Variants in MYO15A observed in about 807,000 individuals in gnomAD.
MYO15A encodes myosin XVA, also known as unconventional myosin-XV.
A neutral mutation model predicts 394.6 loss-of-function variants in MYO15A; 308 were observed. The observed-to-expected ratio is 0.78, with a 90% CI of 0.71 to 0.86. The LOEUF is 0.86. Ranked by LOEUF, MYO15A falls within the 40% of genes least tolerant of loss-of-function variation. The pLI is 0.00. For synonymous variants in MYO15A, 1,957 were observed against 2,003.8 expected, an observed-to-expected ratio of 0.98 and a Z score of 0.62; for missense variants, 4,606 against 4,799.1, an observed-to-expected ratio of 0.96 and a Z score of 1.19.
chr17:18,167,103 T>C (rs931366202), intron 61 of MYO15A, among the ~76,000 whole-genome samples: 3 of 152,250 alleles, frequency 2.0e-5, no homozygotes, highest in South Asian at 2.1e-4. Context: ...GTGGTGTCAC[T>C]GTTGAAGCAT....
rs1176956790 is a variant in MYO15A, at chr17:18,133,310, G to A, written c.4406G>A (p.Ser1469Asn). 6.2e-7 allele frequency: 1 copy of A among 1,614,198 alleles called. No individual in the cohort carries two copies. The highest frequency in any genetic ancestry group is 8.5e-7 in the Non-Finnish European group (1 of 1,180,024). Reference protein sequence around the residue: ...LAAMEVLGFSSEDQDSIFRIL... With the variant: ...LAAMEVLGFSNEDQDSIFRIL... ...GCCATGGAGGTGTTGGGCTTCAGCA[G>A]TGAGGACCAGGACAGCATCTTCCGC... The change falls in exon 12 of 66, where the codon AGT (serine) becomes AAT (asparagine). Residue 1469 changes from serine to asparagine, a missense_variant. Physicochemically the swap from Ser to Asn is conservative, Grantham distance 46. Around this residue, in one of 2 missense-constraint regions of MYO15A, gnomAD observed 2,776 missense variants for 3,109.3 expected, o/e 0.89. Coordinates refer to ENST00000647165, the MANE Select transcript of MYO15A (RefSeq NM_016239.4).
Position 18,148,869 on chromosome 17 carries a change from G to A in MYO15A, c.6873G>A (p.Glu2291=). The change falls in exon 33 of 66, where the codon GAG becomes GAA. Residue 2291 remains glutamate (E), a synonymous_variant. Transcript: ENST00000647165. The surrounding 1 kb of genome is among the most constrained non-coding windows in gnomAD (Gnocchi z 4.8). ...TGTTAGACCTGGTGTCGGACCTGGA[G>A]CTGCTCAGGGACTTCCCTCGACAGA... is the stretch of plus-strand genomic sequence containing the variant. ...DYVLDLVSDL[E]LLRDFPRQKS... 1.9e-6 allele frequency: 3 copies of A among 1,607,618 alleles called. No individual in the cohort carries two copies. The highest frequency in any genetic ancestry group is 2.5e-6 in the Non-Finnish European group (3 of 1,177,070).
At chr17:18,171,502 C>G in intron 62 of MYO15A, 136 bp from the exon 63 acceptor site, 1 of 1,349,586 alleles carries the variant, frequency 7.4e-7, no homozygotes, top group Non-Finnish European at 1.1e-6. Context: ...CCACTTTCAG[C>G]CCATTTACAC....
At position 18,133,348 on chromosome 17, in the gene MYO15A, A is replaced by G. The variant is rs780597172; in HGVS notation, c.4444A>G (p.Ile1482Val). The change falls in exon 12 of 66, where the codon ATC becomes GTC. Residue 1482 changes from isoleucine (I) to valine (V), a missense_variant. This residue lies in a region of MYO15A where 2,776 missense variants were observed against 3,109.3 expected (regional missense o/e 0.89). Coordinates refer to ENST00000647165, the MANE Select transcript of MYO15A (RefSeq NM_016239.4). ...QDSIFRILAS[I>V]LHLGNVYFEK... Reference sequence around the variant, plus strand: ...CAGCATCTTCCGCATCCTGGCCTCCATCCTGCACCTGGGCAACGTCTACTT... The same window carrying G: ...CAGCATCTTCCGCATCCTGGCCTCCGTCCTGCACCTGGGCAACGTCTACTT... The G allele has an allele frequency of 6.2e-7, 1 of 1,614,234 alleles. No individual in the cohort carries two copies. The highest frequency in any genetic ancestry group is 8.5e-7 in the Non-Finnish European group (1 of 1,180,044).
Position 18,173,822 on chromosome 17 carries a change from G to A in MYO15A, c.10392G>A (p.Thr3464=), listed in dbSNP as rs373957759. The A allele has an allele frequency of 4.3e-5, 70 of 1,613,888 alleles. No homozygotes were observed. The highest frequency in any genetic ancestry group is 5.6e-5 in the Non-Finnish European group (66 of 1,180,046). ...VKFPLKEIQS[T]RTQRPTANSS... ...TCCCCCTGAAGGAGATCCAGTCGAC[G>A]CGGACCCAGCGGCCCACGGCCAACT... The change falls in exon 65 of 66, where the codon ACG becomes ACA. Residue 3464 remains threonine, a synonymous_variant. Coordinates refer to ENST00000647165, the MANE Select transcript of MYO15A (RefSeq NM_016239.4).
intron 44 of MYO15A, 55 bp from the exon 45 acceptor site, chr17:18,154,625 G>T (rs1387461839): frequency 5.1e-6 from 8 of 1,579,568 alleles, no homozygotes; most frequent in Non-Finnish European, 5.2e-6. Context: ...AGTCCAGCCT[G>T]GGTCCCAGCT....
At chr17:18,160,975 G>A (rs2046765449) in intron 56 of MYO15A, 8 of 415,382 alleles carry the variant, frequency 1.9e-5, no homozygotes, top group South Asian at 1.7e-4. Context: ...TACCTGGCAT[G>A]ACCTCTACAC....
chr17:18,166,582 T>G, intron 61 of MYO15A, 61 bp downstream of exon 61: 3 of 1,595,102 alleles, frequency 1.9e-6, no homozygotes, highest in Middle Eastern at 1.7e-4. Flanking sequence ...GGCCTGTGAA[T>G]CAGACTCCAC....
intron 4 of MYO15A, among the ~76,000 whole-genome samples, chr17:18,125,736 GAA>G (rs1392214866): frequency 1.1e-5 from 1 of 91,446 alleles, no homozygotes; most frequent in African/African-American, 4.2e-5. Flanking sequence ...AAAAAAAAAA[GAA>G]TGGTGGATGC....
intron 7 of MYO15A, among the ~76,000 whole-genome samples, chr17:18,128,470 G>A (rs2046093047): frequency 6.6e-6 from 1 of 152,178 alleles, no homozygotes; most frequent in Non-Finnish European, 1.5e-5. Context: ...CTCAGGCTTT[G>A]CAGTCAGGTT....
chr17:18,116,843 C>T (rs567078194), intron 1 of MYO15A, among the ~76,000 whole-genome samples: 6 of 151,916 alleles, frequency 3.9e-5, no homozygotes, highest in Non-Finnish European at 7.4e-5. Flanking sequence ...TTGCTTGAAC[C>T]CGGGAGGCGG....
rs16960961 is a variant in MYO15A, at chr17:18,151,139, G to A, written c.7503G>A (p.Thr2501=). 65,398 of 1,613,918 alleles carry A rather than the reference G, an allele frequency of 0.041. 1,662 individuals are homozygous for A. The highest frequency in any genetic ancestry group is 0.049 in the Non-Finnish European group (57,737 of 1,179,986). The change falls in exon 39 of 66, where the codon ACG becomes ACA. Residue 2501 remains threonine (T), a synonymous_variant. Transcript: ENST00000647165. ...EKPPAPEAQP[T]SVGTGPPAKP... is the part of the protein sequence containing the mutation. ...CCCCAGCACCAGAGGCACAGCCGACGTCTGTAGGCACCGGTCCCCCTGCCA... is the reference window on the plus strand; with the variant it reads ...CCCCAGCACCAGAGGCACAGCCGACATCTGTAGGCACCGGTCCCCCTGCCA...
chr17:18,173,652 TG>T, intron 64 of MYO15A, 128 bp from the exon 65 acceptor site: 1 of 1,275,306 alleles, frequency 7.8e-7, no homozygotes, highest in Non-Finnish European at 1.1e-6. Flanking sequence ...CGCAAGTCAC[TG>T]GGGAACTGGT....
At chr17:18,171,354 T>C (rs1287233657) in intron 62 of MYO15A, among the ~76,000 whole-genome samples, 1 of 152,172 alleles carries the variant, frequency 6.6e-6, no homozygotes, top group East Asian at 1.9e-4. Context: ...TGCCGCTAAC[T>C]CACTCAGTCA....
chr17:18,124,921 G>C, intron 3 of MYO15A: 1 of 599,090 alleles, frequency 1.7e-6, no homozygotes, highest in Non-Finnish European at 3.0e-6. Context: ...TAATCACAGT[G>C]ATTACGTAAG....
In MYO15A at chr17:18,141,576, G is replaced by T. The variant is rs984032107; in HGVS notation, c.5532-77G>T. On this transcript the variant is annotated intron_variant, in intron 22 of 65. Coordinates refer to ENST00000647165, the MANE Select transcript of MYO15A (RefSeq NM_016239.4). ...ACCAGGCTTTTTGGACACCTGGCTGGGGGCAGTAACCCCATGGTCTAGCAG... is the reference window on the plus strand; with the variant it reads ...ACCAGGCTTTTTGGACACCTGGCTGTGGGCAGTAACCCCATGGTCTAGCAG... The T allele has an allele frequency of 5.1e-6, 7 of 1,375,834 alleles. No individual in the cohort carries two copies. The African/African-American group carries it at 1.0e-4, about 20-fold the overall frequency. 85.2% of individuals were successfully genotyped at this position (1,375,834 alleles called of 1,614,324 possible). A position where few individuals can be genotyped will look rare whatever the true frequency, so the allele number is the denominator to read the frequency against.
At position 18,120,141 on chromosome 17, in the gene MYO15A, G is replaced by A. The variant is rs1597752082; in HGVS notation, c.1341G>A (p.Gly447=). ...EPEDAGVERQ[G]TSFRLPSAAF... ...AGGACGCGGGCGTAGAGCGTCAGGG[G>A]ACCTCCTTCCGCCTGCCCAGCGCCG... The change falls in exon 2 of 66, where the codon GGG becomes GGA. Residue 447 remains glycine (G), a synonymous_variant. Transcript: ENST00000647165. 6.2e-7 allele frequency: 1 copy of A among 1,612,958 alleles called. No homozygotes were observed. The highest frequency in any genetic ancestry group is 8.5e-7 in the Non-Finnish European group (1 of 1,179,964).
chr17:18,164,145 G>A (rs2046815994), intron 60 of MYO15A: 1 of 439,514 alleles, frequency 2.3e-6, no homozygotes, highest in Admixed American at 3.5e-5. Context: ...ATCCTGGAAA[G>A]GTTTCCATTA....
rs778204085 is a variant in MYO15A, at chr17:18,161,298, C to A, written c.9387-19C>A. ...AGTGCTGTGGCCACCTCTGCTGTAG[C>A]CCCCATGTGTCCTTGCAGGGACAGC... On this transcript the variant is annotated intron_variant, in intron 56 of 65. Coordinates refer to ENST00000647165, the MANE Select transcript of MYO15A (RefSeq NM_016239.4). 1.9e-6 allele frequency: 3 copies of A among 1,612,784 alleles called. No individual in the cohort carries two copies. Among genetic ancestry groups the A allele is most frequent in the Non-Finnish European group, 8.5e-7 (1 of 1,179,816 alleles).
Sources: gnomAD v4.1 joint callset for allele counts (sites outside exome capture counted in the v4.1 genomes callset) on GRCh38, gnomAD v4.1.1 for gene constraint, gnomAD v4.1.1 regional missense constraint, Gnocchi (gnomAD v3.1) non-coding constraint, MANE v1.5 for transcripts, NCBI Gene and HGNC (gene_info 2026-07-23, HGNC 2026-07-21) for gene names.